Variants in IL1RAPL1 observed in about 807,000 individuals in gnomAD.
The protein encoded by IL1RAPL1 is interleukin-1 receptor accessory protein-like 1.
In IL1RAPL1, 3 loss-of-function variants were observed where a neutral mutation model predicts 48.4. That is an observed-to-expected ratio of 0.06 (90% CI 0.03 to 0.16). The LOEUF is 0.16. IL1RAPL1 is among the 10% of genes least tolerant of loss of function. The pLI is 1.00. For missense variants in IL1RAPL1, 349 were observed against 530.6 expected (o/e 0.66, Z 3.36); for synonymous variants, 185 against 187.7 (o/e 0.99, Z 0.12).
chrX:28,965,935 A>G (rs1924908984), intron 2 of IL1RAPL1, among the ~76,000 whole-genome samples: 1 of 98,692 alleles, frequency 1.0e-5, no homozygotes, highest in Non-Finnish European at 2.1e-5. Flanking sequence ...TTGGGGCACC[A>G]TATTAGGCAT....
At chrX:28,840,821 A>G (rs780821453) in intron 2 of IL1RAPL1, among the ~76,000 whole-genome samples, 21 of 110,592 alleles carry the variant, frequency 1.9e-4, no homozygotes, top group Non-Finnish European at 3.6e-4. Context: ...AATGAGACAG[A>G]TACAGTAGTA....
intron 5 of IL1RAPL1, among the ~76,000 whole-genome samples, chrX:29,401,568 T>C (rs775342816): frequency 9.0e-6 from 1 of 111,023 alleles, no homozygotes; most frequent in Non-Finnish European, 1.9e-5. Flanking sequence ...ATCACTGTTT[T>C]TTATCTTGGT....
At chrX:28,892,223 C>T (rs756028394) in intron 2 of IL1RAPL1, among the ~76,000 whole-genome samples, 2 of 106,947 alleles carry the variant, frequency 1.9e-5, no homozygotes, top group Non-Finnish European at 3.8e-5. Context: ...AGAGAGTCAG[C>T]GAAGGGAGTT....
intron 1 of IL1RAPL1, among the ~76,000 whole-genome samples, chrX:28,617,585 A>G (rs146816661): frequency 0.019 from 2,106 of 111,872 alleles, 44 homozygotes; most frequent in African/African-American, 0.065. Flanking sequence ...TGCTTGATAA[A>G]TGGCAATCCT....
At chrX:29,383,696 T>G (rs753603182) in intron 3 of IL1RAPL1, among the ~76,000 whole-genome samples, 14 of 112,269 alleles carry the variant, frequency 1.2e-4, no homozygotes, top group Non-Finnish European at 2.4e-4. Flanking sequence ...TGGATTTCCA[T>G]TCTAGCAAGA....
intron 1 of IL1RAPL1, among the ~76,000 whole-genome samples, chrX:28,636,642 G>T (rs1306562935): frequency 9.0e-6 from 1 of 111,727 alleles, no homozygotes; most frequent in Non-Finnish European, 1.9e-5. Flanking sequence ...GTGGCTTTCA[G>T]CTTCATGATT....
intron 2 of IL1RAPL1, among the ~76,000 whole-genome samples, chrX:29,011,596 C>T (rs1404253376): frequency 8.9e-6 from 1 of 111,925 alleles, no homozygotes; most frequent in Non-Finnish European, 1.9e-5. Context: ...AACAACAGAT[C>T]GGTGGTTGCC....
intron 2 of IL1RAPL1, among the ~76,000 whole-genome samples, chrX:28,848,364 C>A (rs1036929359): frequency 9.1e-6 from 1 of 110,447 alleles, no homozygotes; most frequent in Non-Finnish European, 1.9e-5. Flanking sequence ...AAAATTAAGT[C>A]CCCTGCTTAG....
At chrX:28,831,185 C>T (rs1921046219) in intron 2 of IL1RAPL1, among the ~76,000 whole-genome samples, 1 of 95,615 alleles carries the variant, frequency 1.0e-5, no homozygotes, top group African/African-American at 3.9e-5. Context: ...CACGTCTTTT[C>T]TGGGCATGAC....
intron 6 of IL1RAPL1, among the ~76,000 whole-genome samples, chrX:29,832,261 A>G (rs1170595468): frequency 8.9e-6 from 1 of 112,190 alleles, no homozygotes; most frequent in African/African-American, 3.2e-5. Flanking sequence ...TACCTGACTT[A>G]AAAGTGTGCA....
At chrX:29,151,874 A>T (rs1929474014) in intron 2 of IL1RAPL1, among the ~76,000 whole-genome samples, 1 of 111,737 alleles carries the variant, frequency 8.9e-6, no homozygotes, top group Non-Finnish European at 1.9e-5. Context: ...TTCAGAGAAA[A>T]GATACTGGCC....
chrX:29,709,508 C>G (rs969643313), intron 6 of IL1RAPL1, among the ~76,000 whole-genome samples: 7 of 110,552 alleles, frequency 6.3e-5, no homozygotes, highest in Admixed American at 5.8e-4. Flanking sequence ...GTCGATGTGT[C>G]TCTTTTTTTG....
chrX:29,049,020 A>G (rs1927035417), intron 2 of IL1RAPL1, among the ~76,000 whole-genome samples: 1 of 112,522 alleles, frequency 8.9e-6, no homozygotes, highest in African/African-American at 3.2e-5. Flanking sequence ...CAACATTGAT[A>G]TGCTTCTTTT....
chrX:28,855,528 T>G (rs1165313983), intron 2 of IL1RAPL1, among the ~76,000 whole-genome samples: 1 of 111,594 alleles, frequency 9.0e-6, no homozygotes, highest in Non-Finnish European at 1.9e-5. Context: ...TTAATTTTTG[T>G]GGGTACATAG....
Position 29,063,109 on chromosome X carries a change from C to T in IL1RAPL1, c.83-219829C>T, listed in dbSNP as rs183615514. Among the ~76,000 whole-genome samples the T allele has an allele frequency of 2.2e-3, 244 of 111,232 alleles. 2 individuals are homozygous for T. Among genetic ancestry groups the T allele is most frequent in the African/African-American group, 7.1e-3 (218 of 30,724 alleles). On this transcript the variant is annotated intron_variant, in intron 2 of 10. Coordinates refer to ENST00000378993, the MANE Select transcript of IL1RAPL1 (RefSeq NM_014271.4). ...CATAATCTATACCTATTCCCAGTAC[C>T]GACTTAGCCTTTACCCAGCACTGCT...
At chrX:29,633,513 T>C (rs1300088970) in intron 5 of IL1RAPL1, among the ~76,000 whole-genome samples, 1 of 109,096 alleles carries the variant, frequency 9.2e-6, no homozygotes, top group Non-Finnish European at 1.9e-5. Flanking sequence ...ATATATATGA[T>C]AGATTGAACT....
chrX:29,940,968 T>A (rs1339046766), intron 8 of IL1RAPL1, among the ~76,000 whole-genome samples: 1 of 112,462 alleles, frequency 8.9e-6, no homozygotes, highest in Non-Finnish European at 1.9e-5. Flanking sequence ...GCATTCAGCC[T>A]CCAAGATTAT....
In IL1RAPL1 at chrX:29,221,610, T is replaced by TACAC. The variant is rs1293855769; in HGVS notation, c.83-61322_83-61319dup. 8.1e-3 allele frequency among the ~76,000 whole-genome samples: 501 copies of TACAC among 61,806 alleles called. 7 individuals carry two copies. The highest frequency in any genetic ancestry group is 0.029 in the African/African-American group (482 of 16,902). 53.7% of individuals were successfully genotyped at this position (61,806 alleles called of 115,157 possible). A position where few individuals can be genotyped will look rare whatever the true frequency, so the allele number is the denominator to read the frequency against. On this transcript the variant is annotated intron_variant, in intron 2 of 10. Coordinates refer to ENST00000378993, the MANE Select transcript of IL1RAPL1 (RefSeq NM_014271.4). ...GTCATTATGCCAAAGGAGCAATGTA[T>TACAC]ACACACACATACACACACACACACA...
intron 2 of IL1RAPL1, among the ~76,000 whole-genome samples, chrX:29,073,481 T>C (rs1927608245): frequency 8.9e-6 from 1 of 112,080 alleles, no homozygotes; most frequent in South Asian, 3.7e-4. Context: ...ATCATTTATC[T>C]ATTATTCTTT....
Sources: allele counts gnomAD v4.1 joint callset (sites outside exome capture counted in the v4.1 genomes callset), GRCh38; gene constraint gnomAD v4.1.1; transcripts MANE v1.5; gene names NCBI Gene and HGNC (gene_info 2026-07-23, HGNC 2026-07-21).